SAMSN1: variants seen among roughly 807,000 people sequenced by gnomAD.
The protein encoded by SAMSN1 is SAM domain, SH3 domain and nuclear localization signals 1, also known as SAM domain-containing protein SAMSN-1.
Under a neutral mutation model 42.0 loss-of-function variants are expected in SAMSN1, and 31 were observed. The observed-to-expected ratio is 0.74, with a 90% CI of 0.55 to 1.00. SAMSN1 has a LOEUF of 1.00. SAMSN1 is among the 50% of genes least tolerant of loss of function. The pLI is 0.00. For synonymous variants in SAMSN1, 178 were observed against 151.9 expected (o/e 1.17, Z -1.26); for missense variants, 464 against 439.4 (o/e 1.06, Z -0.50).
intron 2 of SAMSN1, chr21:14,619,785 A>T (rs1982951756): frequency 5.4e-6 from 1 of 184,692 alleles, no homozygotes; most frequent in South Asian, 1.0e-4. Flanking sequence ...AGAAAAGTGT[A>T]TTTTTTTTAA....
intron 1 of SAMSN1, among the ~76,000 whole-genome samples, chr21:14,525,549 C>A (rs1978789697): frequency 6.6e-6 from 1 of 152,076 alleles, no homozygotes; most frequent in Non-Finnish European, 1.5e-5. Flanking sequence ...AACCACTATA[C>A]CAAAAACATC....
intron 2 of SAMSN1, among the ~76,000 whole-genome samples, chr21:14,519,011 T>A (rs185292690): frequency 3.3e-4 from 51 of 152,330 alleles, no homozygotes; most frequent in Admixed American, 2.7e-3. Flanking sequence ...TTTCTAGCGT[T>A]ATTTACAGAA....
intron 2 of SAMSN1, among the ~76,000 whole-genome samples, chr21:14,627,094 A>T (rs1476994729): frequency 6.6e-6 from 1 of 152,118 alleles, no homozygotes; most frequent in Non-Finnish European, 1.5e-5. Context: ...ACATGGACAC[A>T]GGGTGAGGAA....
chr21:14,610,261 C>G (rs543685689), intron 4 of SAMSN1, among the ~76,000 whole-genome samples: 2 of 152,128 alleles, frequency 1.3e-5, no homozygotes, highest in Admixed American at 1.3e-4. Flanking sequence ...ATTCCCAGGG[C>G]GGGGCCTCTA....
At chr21:14,627,507 G>A (rs4171) in intron 2 of SAMSN1, among the ~76,000 whole-genome samples, 25,825 of 152,146 alleles carry the variant, frequency 0.17, 2,821 homozygotes, top group African/African-American at 0.32. Flanking sequence ...AGCACTCAGA[G>A]TGTGACTTGA....
intron 1 of SAMSN1, among the ~76,000 whole-genome samples, chr21:14,522,931 C>T (rs1978587734): frequency 6.6e-6 from 1 of 152,106 alleles, no homozygotes; most frequent in Non-Finnish European, 1.5e-5. Flanking sequence ...CATTGTGGAA[C>T]AATTTGGACA....
At chr21:14,552,432 G>A (rs372739023) in intron 2 of SAMSN1, among the ~76,000 whole-genome samples, 88 of 152,210 alleles carry the variant, frequency 5.8e-4, no homozygotes, top group Non-Finnish European at 7.6e-4. Context: ...AGGTCATGGG[G>A]ACAGAGCCTT....
At chr21:14,624,665 C>T (rs1161072117) in intron 2 of SAMSN1, among the ~76,000 whole-genome samples, 2 of 152,120 alleles carry the variant, frequency 1.3e-5, no homozygotes, top group Non-Finnish European at 2.9e-5. Context: ...AGTCCAGGAC[C>T]AGATGGATTC....
intron 2 of SAMSN1, among the ~76,000 whole-genome samples, chr21:14,555,306 T>C (rs1980729702): frequency 6.6e-6 from 1 of 152,198 alleles, no homozygotes; most frequent in Admixed American, 6.6e-5. Flanking sequence ...CTTTGTCTCT[T>C]TAGGTTTGCA....
intron 2 of SAMSN1, among the ~76,000 whole-genome samples, chr21:14,518,169 A>G (rs1285056878): frequency 6.6e-6 from 1 of 152,242 alleles, no homozygotes; most frequent in Non-Finnish European, 1.5e-5. Flanking sequence ...TTCTATTCAC[A>G]TGTCATATAA....
At chr21:14,595,689 G>C (rs1982240750) in intron 6 of SAMSN1, among the ~76,000 whole-genome samples, 1 of 152,142 alleles carries the variant, frequency 6.6e-6, no homozygotes, top group Admixed American at 6.6e-5. Context: ...CAAGTTTAAA[G>C]TCCAGTGTTT....
intron 6 of SAMSN1, among the ~76,000 whole-genome samples, chr21:14,595,144 A>T (rs1982221137): frequency 6.6e-6 from 1 of 152,290 alleles, no homozygotes; most frequent in Admixed American, 6.5e-5. Context: ...ATCCAATCCC[A>T]TGATCTAATC....
chr21:14,494,305 C>G (rs900129033), intron 7 of SAMSN1, among the ~76,000 whole-genome samples: 3 of 152,128 alleles, frequency 2.0e-5, no homozygotes, highest in African/African-American at 4.8e-5. Context: ...GAATTGCAAC[C>G]AACCCTAATG....
At chr21:14,619,731 T>A in intron 2 of SAMSN1, 1 of 263,324 alleles carries the variant, frequency 3.8e-6, no homozygotes, top group Non-Finnish European at 8.5e-6. Flanking sequence ...TATTAAAAGT[T>A]TTATGTGGCA....
intron 2 of SAMSN1, among the ~76,000 whole-genome samples, chr21:14,640,994 T>A (rs559707755): frequency 1.8e-4 from 18 of 97,404 alleles, no homozygotes; most frequent in East Asian, 3.2e-4. Context: ...GTTTGGTTTT[T>A]ATGCATATTT....
In SAMSN1 at chr21:14,516,909, C is replaced by T. The variant is rs770298533; in HGVS notation, c.262G>A (p.Ala88Thr). The T allele has an allele frequency of 6.2e-6, 10 of 1,608,748 alleles. No homozygotes were observed. In the South Asian group the frequency reaches 1.0e-4, roughly 16 times the overall value. Residue 88 changes from alanine to threonine, a missense_variant, in exon 3 of 8, where the codon GCC becomes ACC. Transcript: ENST00000400566. Reference protein sequence around the residue: ...KKKVGKKYIKALSEEKDEEDG... With the variant: ...KKKVGKKYIKTLSEEKDEEDG... ...ATATTTACCTTTTCCTCAGAAAGGG[C>T]TTTGATGTACTTTTTACCCACTTTT... is the stretch of plus-strand genomic sequence containing the variant.
chr21:14,492,303 A>C (rs141377378), intron 7 of SAMSN1, among the ~76,000 whole-genome samples: 226 of 152,342 alleles, frequency 1.5e-3, no homozygotes, highest in African/African-American at 5.1e-3. Context: ...TAATCTTGAC[A>C]ACATACTCGA....
At chr21:14,641,802 T>C (rs1044707477) in intron 2 of SAMSN1, among the ~76,000 whole-genome samples, 9 of 152,154 alleles carry the variant, frequency 5.9e-5, no homozygotes, top group Non-Finnish European at 2.9e-5. Flanking sequence ...TAAATTATAG[T>C]TGACCCTTTA....
At chr21:14,519,501 T>TACAC (rs988522209) in intron 2 of SAMSN1, among the ~76,000 whole-genome samples, 1 of 151,286 alleles carries the variant, frequency 6.6e-6, no homozygotes. Context: ...TCCATATATA[T>TACAC]ACACACACAC....
Sources: allele counts gnomAD v4.1 joint callset (sites outside exome capture counted in the v4.1 genomes callset), GRCh38; gene constraint gnomAD v4.1.1; transcripts MANE v1.5; gene names NCBI Gene and HGNC (gene_info 2026-07-23, HGNC 2026-07-21).